The following ZC3H7A variants were observed in gnomAD, a reference collection of about 807,000 sequenced individuals.
The protein encoded by ZC3H7A is zinc finger CCCH domain-containing protein 7A.
ZC3H7A carries 44 observed loss-of-function variants against 125.5 expected under a neutral mutation model. The observed-to-expected ratio is 0.35, with a 90% CI of 0.28 to 0.45. The LOEUF (loss-of-function observed/expected upper bound fraction) is 0.45, where lower values mean the gene tolerates loss of function less well. ZC3H7A is among the 20% of genes least tolerant of loss of function. The pLI, the probability that ZC3H7A is intolerant of heterozygous loss-of-function variation, is 1.00. For synonymous variants in ZC3H7A, 399 were observed against 391.2 expected (o/e 1.02, Z -0.23); for missense variants, 977 against 1,170.7 (o/e 0.83, Z 2.41).
intron 10 of ZC3H7A, 120 bp downstream of exon 10, chr16:11,770,663 A>T (rs1462098407): frequency 1.0e-6 from 1 of 989,592 alleles, no homozygotes; most frequent in Non-Finnish European, 1.4e-6. Flanking sequence ...TTATATTTTT[A>T]GCTACAAAGA....
intron 4 of ZC3H7A, among the ~76,000 whole-genome samples, chr16:11,778,342 C>G (rs2053117074): frequency 6.9e-6 from 1 of 145,224 alleles, no homozygotes; most frequent in African/African-American, 2.6e-5. Context: ...GAGGCCGAGG[C>G]AGGAAAATTG....
chr16:11,795,844 C>T (rs2053428367), intron 1 of ZC3H7A, among the ~76,000 whole-genome samples: 1 of 152,112 alleles, frequency 6.6e-6, no homozygotes, highest in Non-Finnish European at 1.5e-5. Flanking sequence ...AGACAGTGTC[C>T]CAGGCTGGAG....
At chr16:11,793,738 C>T (rs2053389407) in intron 1 of ZC3H7A, among the ~76,000 whole-genome samples, 1 of 152,204 alleles carries the variant, frequency 6.6e-6, no homozygotes, top group Non-Finnish European at 1.5e-5. Flanking sequence ...ACAAGGCAAG[C>T]CTCAGAAGGC....
chr16:11,774,922 G>C (rs539170282), intron 8 of ZC3H7A, 58 bp downstream of exon 8: 3 of 1,554,084 alleles, frequency 1.9e-6, no homozygotes, highest in African/African-American at 2.7e-5. Flanking sequence ...CACATACAAA[G>C]ACATCAGGTA....
Position 11,788,241 on chromosome 16 carries a change from G to C in ZC3H7A, c.-34-5853C>G, listed in dbSNP as rs139750348. ...TCACAGGCCACTCTGTCTCCTGCAA[G>C]CTGAGGCTCCATCTCCACAGACCTC... On this transcript the variant is annotated intron_variant, in intron 1 of 22. Coordinates refer to ENST00000355758, the MANE Select transcript of ZC3H7A (RefSeq NM_014153.4). Among the ~76,000 whole-genome samples, 1,181 of 152,078 alleles carry C rather than the reference G, an allele frequency of 7.8e-3. 12 individuals carry two copies. The highest frequency in any genetic ancestry group is 0.037 in the Middle Eastern group (11 of 294).
chr16:11,792,103 C>G (rs2053365269), intron 1 of ZC3H7A, among the ~76,000 whole-genome samples: 1 of 152,020 alleles, frequency 6.6e-6, no homozygotes, highest in Non-Finnish European at 1.5e-5. Context: ...AGACAGAGTC[C>G]CACTATATTG....
At position 11,767,679 on chromosome 16, in the gene ZC3H7A, T is replaced by C. The variant is rs996198530; in HGVS notation, c.1361-101A>G. The C allele has an allele frequency of 1.8e-5, 22 of 1,198,380 alleles. No individual in the cohort carries two copies. The African/African-American group carries it at 3.0e-4, about 16-fold the overall frequency. The allele number at this position is 1,198,380 out of a possible 1,614,324, so 74.2% of individuals were successfully genotyped here. Reference sequence around the variant, plus strand: ...ACATGAACAGATGAACATCAATTATTAAATTCCCACAGAAATCCCACTTCC... The same window carrying C: ...ACATGAACAGATGAACATCAATTATCAAATTCCCACAGAAATCCCACTTCC... On this transcript the variant is annotated intron_variant, in intron 12 of 22. Transcript: ENST00000355758.
chr16:11,782,638 C>T (rs1476755078), intron 1 of ZC3H7A: 8 of 247,884 alleles, frequency 3.2e-5, no homozygotes, highest in Admixed American at 1.2e-4. Context: ...GACGGAGTCT[C>T]GCTCCATTGC....
intron 21 of ZC3H7A, among the ~76,000 whole-genome samples, chr16:11,754,324 AT>A (rs2052601776): frequency 1.7e-4 from 16 of 94,972 alleles, no homozygotes; most frequent in African/African-American, 6.9e-4. Context: ...AAAAAAAAAT[AT>A]ATATATATAT....
chr16:11,760,138 A>AAAAAAAAGAAAAAAAAAAAAAAG (rs2052726513), intron 19 of ZC3H7A, among the ~76,000 whole-genome samples: 2 of 145,600 alleles, frequency 1.4e-5, no homozygotes, highest in Non-Finnish European at 3.0e-5. Context: ...AAAAAAAAAA[A>AAAAAAAAGAAAAAAAAAAAAAAG]AAAAAAAGAA....
chr16:11,790,024 C>A (rs1011771643), intron 1 of ZC3H7A, among the ~76,000 whole-genome samples: 1 of 136,228 alleles, frequency 7.3e-6, no homozygotes, highest in African/African-American at 2.8e-5. Flanking sequence ...CAGGCTGCAG[C>A]GAGCAAAGAT....
chr16:11,774,138 G>C (rs556599919), intron 9 of ZC3H7A, 98 bp downstream of exon 9: 4 of 1,169,248 alleles, frequency 3.4e-6, no homozygotes, highest in South Asian at 5.8e-5. Context: ...CCCAAATTCA[G>C]CCTATATGCA....
At chr16:11,792,106 C>T (rs1046007640) in intron 1 of ZC3H7A, among the ~76,000 whole-genome samples, 2 of 152,166 alleles carry the variant, frequency 1.3e-5, no homozygotes, top group Non-Finnish European at 2.9e-5. Flanking sequence ...CAGAGTCCCA[C>T]TATATTGCCC....
chr16:11,752,946 A>G, intron 21 of ZC3H7A, 114 bp from the exon 22 acceptor site: 1 of 1,350,036 alleles, frequency 7.4e-7, no homozygotes, highest in African/African-American at 1.5e-5. Flanking sequence ...CTCAGGTTAG[A>G]AATAGGGACA....
chr16:11,788,341 T>A (rs117803522), intron 1 of ZC3H7A, among the ~76,000 whole-genome samples: 2,991 of 152,202 alleles, frequency 0.02, 48 homozygotes, highest in Middle Eastern at 0.041. Context: ...CCTCCCTCCA[T>A]CAGATGTCAA....
chr16:11,757,442 C>A (rs2052669791), intron 20 of ZC3H7A, among the ~76,000 whole-genome samples: 1 of 145,200 alleles, frequency 6.9e-6, no homozygotes, highest in Non-Finnish European at 1.5e-5. Context: ...CGAGATCACG[C>A]CACTGCACTC....
In ZC3H7A at chr16:11,751,334, A is replaced by G. The variant is rs2052550002; in HGVS notation, c.2899T>C (p.Phe967Leu). Reference sequence around the variant, plus strand: ...CCAGCATATTAGTTTAAATCTTTAAACAAAAAACTATATTTTCCAAAGTCA... The same window carrying G: ...CCAGCATATTAGTTTAAATCTTTAAGCAAAAAACTATATTTTCCAAAGTCA... ...DNDFGKYSFL[F>L]KDLN is the part of the protein sequence containing the mutation. The change falls in exon 23 of 23, where the codon TTT becomes CTT. Residue 967 changes from phenylalanine (F) to leucine (L), a missense_variant. Coordinates refer to ENST00000355758, the MANE Select transcript of ZC3H7A (RefSeq NM_014153.4). 6.2e-7 allele frequency: 1 copy of G among 1,612,152 alleles called. No homozygotes were observed. Among genetic ancestry groups the G allele is most frequent in the African/African-American group, 1.3e-5 (1 of 74,718 alleles).
Position 11,774,232 on chromosome 16 carries a change from T to G in ZC3H7A, c.903+4A>C, listed in dbSNP as rs940661434. 2.6e-6 allele frequency: 4 copies of G among 1,557,486 alleles called. No individual in the cohort carries two copies. Among genetic ancestry groups the G allele is most frequent in the Admixed American group, 3.8e-5 (2 of 52,862 alleles). On this transcript the variant is annotated splice_donor_region_variant and intron_variant, in intron 9 of 22. Coordinates refer to ENST00000355758, the MANE Select transcript of ZC3H7A (RefSeq NM_014153.4). ...GAAGAAACTTGAGTAACACTGAAACTTACCATAACAGTTTCATTAGTTTCA... is the reference window on the plus strand; with the variant it reads ...GAAGAAACTTGAGTAACACTGAAACGTACCATAACAGTTTCATTAGTTTCA...
intron 4 of ZC3H7A, among the ~76,000 whole-genome samples, chr16:11,777,120 C>G (rs2053094122): frequency 6.6e-6 from 1 of 152,016 alleles, no homozygotes; most frequent in African/African-American, 2.4e-5. Flanking sequence ...ATGTACACAC[C>G]ATCCAGGTCA....
Sources: allele counts gnomAD v4.1 joint callset (sites outside exome capture counted in the v4.1 genomes callset), GRCh38; gene constraint gnomAD v4.1.1; transcripts MANE v1.5; gene names NCBI Gene and HGNC (gene_info 2026-07-23, HGNC 2026-07-21).